The following HS3ST3A1 variants were observed in gnomAD, a reference collection of about 807,000 sequenced individuals.
HS3ST3A1 encodes heparan sulfate-glucosamine 3-sulfotransferase 3A1, also known as heparan sulfate glucosamine 3-O-sulfotransferase 3A1.
Under a neutral mutation model 25.7 loss-of-function variants are expected in HS3ST3A1, and 19 were observed. The ratio of observed to expected loss-of-function variants is 0.74; its 90% confidence interval spans 0.52 to 1.08. The LOEUF (loss-of-function observed/expected upper bound fraction) is 1.08. Among genes scored for constraint, HS3ST3A1 ranks in the 50% least tolerant of loss-of-function variants. The pLI is 0.00. For synonymous variants in HS3ST3A1, 226 were observed against 278.6 expected, an observed-to-expected ratio of 0.81 and a Z score of 1.88; for missense variants, 459 against 594.3, an observed-to-expected ratio of 0.77 and a Z score of 2.37.
chr17:13,594,233 G>C lies in HS3ST3A1; in HGVS notation c.599+6298C>G, dbSNP rs181899820. 2.0e-5 allele frequency among the ~76,000 whole-genome samples: 3 copies of C among 152,270 alleles called. No homozygotes were observed. In the East Asian group the frequency reaches 5.8e-4, roughly 29 times the overall value. ...ATGCTAACCTTGGTCACTTGGTTAA[G>C]GTGGTGTCTGTCAGTTTCTCCACTC... is the stretch of plus-strand genomic sequence containing the variant. On this transcript the variant is annotated intron_variant, in intron 1 of 1. Coordinates refer to ENST00000284110, the MANE Select transcript of HS3ST3A1 (RefSeq NM_006042.3).
intron 1 of HS3ST3A1, among the ~76,000 whole-genome samples, chr17:13,500,110 A>G (rs541899895): frequency 3.9e-4 from 60 of 152,232 alleles, no homozygotes; most frequent in African/African-American, 1.4e-3. Flanking sequence ...TTTTTCATAC[A>G]TTTTTATTGC....
intron 1 of HS3ST3A1, among the ~76,000 whole-genome samples, chr17:13,522,922 A>T (rs902435006): frequency 6.6e-6 from 1 of 151,886 alleles, no homozygotes; most frequent in African/African-American, 2.4e-5. Flanking sequence ...TTTGGCCATA[A>T]GTTTGTGGTA....
At chr17:13,518,937 T>C (rs1168192244) in intron 1 of HS3ST3A1, among the ~76,000 whole-genome samples, 2 of 152,236 alleles carry the variant, frequency 1.3e-5, no homozygotes, top group Non-Finnish European at 2.9e-5. Context: ...ATAACTGTTA[T>C]TGTATGTCTC....
intron 1 of HS3ST3A1, among the ~76,000 whole-genome samples, chr17:13,527,141 C>T (rs1026014156): frequency 3.9e-5 from 6 of 152,170 alleles, no homozygotes; most frequent in African/African-American, 1.2e-4. Context: ...CAGCAGGTCC[C>T]AGGACTGAAC....
At position 13,516,598 on chromosome 17, in the gene HS3ST3A1, G is replaced by A. The variant is rs573483138; in HGVS notation, c.600-19780C>T. On this transcript the variant is annotated intron_variant, in intron 1 of 1. Coordinates refer to ENST00000284110, the MANE Select transcript of HS3ST3A1 (RefSeq NM_006042.3). ...AACAGGCAAGTTGTACACGCTTCTT[G>A]TTGAGATTATTTCAACATACTTTAA... Among the ~76,000 whole-genome samples, 230 of 152,254 alleles carry A rather than the reference G, an allele frequency of 1.5e-3. 1 individual carries two copies. The highest frequency in any genetic ancestry group is 2.6e-3 in the Non-Finnish European group (178 of 68,024).
chr17:13,550,759 A>T (rs532201685), intron 1 of HS3ST3A1, among the ~76,000 whole-genome samples: 11 of 152,214 alleles, frequency 7.2e-5, no homozygotes, highest in African/African-American at 2.6e-4. Context: ...GATAAACAAG[A>T]TGCGATATTT....
At chr17:13,522,839 CACACACACAGAGAG>C (rs1432832577) in intron 1 of HS3ST3A1, among the ~76,000 whole-genome samples, 1 of 73,374 alleles carries the variant, frequency 1.4e-5, no homozygotes, top group East Asian at 3.6e-4. Context: ...ACACACACCA[CACACACACAGAGAG>C]ACACACACAC....
rs114346058 is a variant in HS3ST3A1 at position 13,525,555 on chromosome 17, C to T, written c.600-28737G>A. On this transcript the variant is annotated intron_variant, in intron 1 of 1. Transcript: ENST00000284110. ...TTACTTTTGCATGATACTCAGTTAA[C>T]CTTTTCAAATTACAGACTGAAATCT... Among the ~76,000 whole-genome samples the T allele has an allele frequency of 7.0e-3, 1,061 of 152,240 alleles. 21 individuals carry two copies. The highest frequency in any genetic ancestry group is 0.024 in the African/African-American group (985 of 41,528).
chr17:13,573,888 G>T (rs1756971910), intron 1 of HS3ST3A1, among the ~76,000 whole-genome samples: 1 of 152,160 alleles, frequency 6.6e-6, no homozygotes. Flanking sequence ...TCTGATATGT[G>T]AGAATACACA....
intron 1 of HS3ST3A1, among the ~76,000 whole-genome samples, chr17:13,585,454 C>G (rs1175743661): frequency 6.6e-6 from 1 of 151,440 alleles, no homozygotes; most frequent in African/African-American, 2.4e-5. Context: ...CCCGCCTCAG[C>G]CTCCCAAAGT....
chr17:13,560,863 C>T (rs1041624361), intron 1 of HS3ST3A1, among the ~76,000 whole-genome samples: 4 of 152,076 alleles, frequency 2.6e-5, no homozygotes, highest in African/African-American at 9.7e-5. Flanking sequence ...AAGTGACATT[C>T]CTGAAGTTTA....
At chr17:13,591,352 T>C (rs1330351437) in intron 1 of HS3ST3A1, among the ~76,000 whole-genome samples, 1 of 152,032 alleles carries the variant, frequency 6.6e-6, no homozygotes, top group Non-Finnish European at 1.5e-5. Flanking sequence ...CAGCTCTGAT[T>C]ACATTTCTGA....
At chr17:13,497,634 T>C (rs1905327647) in intron 1 of HS3ST3A1, among the ~76,000 whole-genome samples, 1 of 152,240 alleles carries the variant, frequency 6.6e-6, no homozygotes, top group African/African-American at 2.4e-5. Flanking sequence ...GCAGGCTTTC[T>C]ACTGGCCTCA....
At chr17:13,565,668 T>C (rs1598428050) in intron 1 of HS3ST3A1, among the ~76,000 whole-genome samples, 1 of 152,266 alleles carries the variant, frequency 6.6e-6, no homozygotes, top group Non-Finnish European at 1.5e-5. Context: ...ATTAATTTTA[T>C]AGTCACAGCT....
rs1278619815 is a variant in HS3ST3A1 at position 13,496,154 on chromosome 17, AT to A, written c.*42del. ...CTCTTCTCTACCGATTGGTAAAAAA[AT>A]ATATTATATTTTGATTTTTTTTTTC... On this transcript the variant is annotated 3_prime_UTR_variant, in exon 2 of 2. Coordinates refer to ENST00000284110, the MANE Select transcript of HS3ST3A1 (RefSeq NM_006042.3). The A allele has an allele frequency of 2.0e-5, 30 of 1,471,974 alleles. No individual in the cohort carries two copies. Among genetic ancestry groups the A allele is most frequent in the Non-Finnish European group, 2.6e-5 (29 of 1,116,450 alleles). 91.2% of individuals were successfully genotyped at this position (1,471,974 alleles called of 1,614,324 possible).
At chr17:13,559,559 T>C (rs991308688) in intron 1 of HS3ST3A1, among the ~76,000 whole-genome samples, 3 of 148,864 alleles carry the variant, frequency 2.0e-5, no homozygotes, top group Non-Finnish European at 3.0e-5. Context: ...ATTTTATTTA[T>C]ATTATATATT....
chr17:13,586,213 G>A (rs532073157), intron 1 of HS3ST3A1, among the ~76,000 whole-genome samples: 202 of 151,708 alleles, frequency 1.3e-3, no homozygotes, highest in African/African-American at 4.7e-3. Flanking sequence ...CCTCCTTTTC[G>A]CATGGCTAGT....
chr17:13,579,074 T>G (rs1908031068), intron 1 of HS3ST3A1, among the ~76,000 whole-genome samples: 1 of 152,152 alleles, frequency 6.6e-6, no homozygotes, highest in Non-Finnish European at 1.5e-5. Flanking sequence ...AGAAAGCCAT[T>G]CATATAACTG....
At chr17:13,535,905 T>C (rs890443847) in intron 1 of HS3ST3A1, among the ~76,000 whole-genome samples, 1 of 152,152 alleles carries the variant, frequency 6.6e-6, no homozygotes, top group Non-Finnish European at 1.5e-5. Flanking sequence ...CAGGGAAAAC[T>C]AGCAAATTCA....
Sources: allele counts gnomAD v4.1 joint callset (sites outside exome capture counted in the v4.1 genomes callset), GRCh38; gene constraint gnomAD v4.1.1; transcripts MANE v1.5; gene names NCBI Gene and HGNC (gene_info 2026-07-23, HGNC 2026-07-21).